The following TCF7L2 variants were observed in gnomAD, a reference collection of about 807,000 sequenced individuals.
TCF7L2 encodes transcription factor 7 like 2, also known as transcription factor 7-like 2.
TCF7L2 carries 23 observed loss-of-function variants against 77.9 expected under a neutral mutation model. The observed-to-expected ratio is 0.30, with a 90% CI of 0.21 to 0.42. TCF7L2 has a LOEUF of 0.42. Ranked by LOEUF, TCF7L2 falls within the 10% of genes least tolerant of loss-of-function variation. The probability of loss-of-function intolerance (pLI) is 1.00; values close to 1 mark genes in which losing one functional copy is unlikely to be tolerated. For missense variants in TCF7L2, 654 were observed against 793.1 expected, an observed-to-expected ratio of 0.82 and a Z score of 2.11; for synonymous variants, 413 against 340.2, an observed-to-expected ratio of 1.21 and a Z score of -2.36.
intron 5 of TCF7L2, among the ~76,000 whole-genome samples, chr10:113,065,779 G>A (rs538133543): frequency 6.6e-6 from 1 of 152,274 alleles, no homozygotes; most frequent in African/African-American, 2.4e-5. Flanking sequence ...CTCATAGGTT[G>A]TAGTTAGGAA....
At chr10:113,158,566 T>C in intron 12 of TCF7L2, 101 bp from the exon 13 acceptor site, 1 of 1,142,400 alleles carries the variant, frequency 8.8e-7, no homozygotes. Flanking sequence ...TTAGAAATAC[T>C]GCATAGGCAA....
At chr10:113,042,364 C>T (rs545801334) in intron 5 of TCF7L2, among the ~76,000 whole-genome samples, 1 of 152,308 alleles carries the variant, frequency 6.6e-6, no homozygotes, top group East Asian at 1.9e-4. Context: ...TGTCTACAAT[C>T]TTTTGGGCTT....
In TCF7L2 at chr10:112,951,483, C is replaced by A; in HGVS notation, c.257C>A (p.Ala86Glu). The A allele has an allele frequency of 4.2e-6, 6 of 1,427,610 alleles. No individual in the cohort carries two copies. Among genetic ancestry groups the A allele is most frequent in the Non-Finnish European group, 5.6e-6 (6 of 1,067,928 alleles). The allele number at this position is 1,427,610 out of a possible 1,614,324, so 88.4% of individuals were successfully genotyped here. The change falls in exon 3 of 14, where the codon GCG becomes GAG. Residue 86 changes from alanine to glutamate, a missense_variant and splice_region_variant. Transcript: ENST00000627217. ...TCCCCTCGCCGCCCCGCCATGTTAG[C>A]GGCCAAGAGGCAAGATGGAGGGCTC...
chr10:113,159,723 A>G lies in TCF7L2; in HGVS notation c.1319-896A>G, dbSNP rs72828146. Among the ~76,000 whole-genome samples, 22,881 of 150,634 alleles carry G rather than the reference A, an allele frequency of 0.15. 2,343 individuals are homozygous for G. Among genetic ancestry groups the G allele is most frequent in the Admixed American group, 0.23 (3,533 of 15,200 alleles). On this transcript the variant is annotated intron_variant, in intron 12 of 13. Transcript: ENST00000627217. ...ATGTGACTTTTACTTTTTTTTTTTT[A>G]ATTAAAGAAAGTTAAAAAACGAAAG...
intron 5 of TCF7L2, among the ~76,000 whole-genome samples, chr10:113,106,984 T>C (rs1456752889): frequency 4.6e-5 from 7 of 152,218 alleles, no homozygotes; most frequent in African/African-American, 1.7e-4. Flanking sequence ...ATGATCAGAA[T>C]GGATGCAAGA....
At chr10:113,137,450 T>C (rs1013903041) in intron 5 of TCF7L2, among the ~76,000 whole-genome samples, 1 of 152,158 alleles carries the variant, frequency 6.6e-6, no homozygotes. Context: ...TCATCCAGAG[T>C]TGACAGAGAC....
At chr10:113,143,112 C>T (rs1419163642) in intron 6 of TCF7L2, among the ~76,000 whole-genome samples, 1 of 152,246 alleles carries the variant, frequency 6.6e-6, no homozygotes, top group Non-Finnish European at 1.5e-5. Context: ...ACATCAATTC[C>T]TCTCTGTCAG....
intron 4 of TCF7L2, among the ~76,000 whole-genome samples, chr10:113,005,749 C>T (rs1244397423): frequency 6.6e-6 from 1 of 151,908 alleles, no homozygotes; most frequent in African/African-American, 2.4e-5. Flanking sequence ...TTGTCCTCAT[C>T]GTTATCCCAA....
At chr10:113,102,662 G>A (rs1171043233) in intron 5 of TCF7L2, among the ~76,000 whole-genome samples, 3 of 152,066 alleles carry the variant, frequency 2.0e-5, no homozygotes, top group African/African-American at 7.2e-5. Context: ...CCGACCTCAG[G>A]TGATCTGTCT....
At chr10:113,114,760 G>T (rs183362690) in intron 5 of TCF7L2, among the ~76,000 whole-genome samples, 1 of 152,262 alleles carries the variant, frequency 6.6e-6, no homozygotes, top group African/African-American at 2.4e-5. Context: ...CGATTTCAAG[G>T]CCTAGACTGA....
chr10:113,065,271 A>G (rs1355793513), intron 5 of TCF7L2, among the ~76,000 whole-genome samples: 1 of 152,264 alleles, frequency 6.6e-6, no homozygotes, highest in African/African-American at 2.4e-5. Flanking sequence ...CCTCCTGTTT[A>G]GAAGTCTGAA....
At chr10:113,027,383 G>A (rs988308188) in intron 4 of TCF7L2, among the ~76,000 whole-genome samples, 3 of 152,176 alleles carry the variant, frequency 2.0e-5, no homozygotes, top group African/African-American at 7.2e-5. Flanking sequence ...GTGTCAGAGA[G>A]GGTGCCTGTC....
At chr10:113,020,291 C>T (rs2048071285) in intron 4 of TCF7L2, among the ~76,000 whole-genome samples, 1 of 152,160 alleles carries the variant, frequency 6.6e-6, no homozygotes, top group Non-Finnish European at 1.5e-5. Context: ...TGGCGGCCTC[C>T]ATGCTGATGG....
intron 5 of TCF7L2, among the ~76,000 whole-genome samples, chr10:113,092,452 G>A (rs1179785295): frequency 6.6e-6 from 1 of 152,226 alleles, no homozygotes; most frequent in Non-Finnish European, 1.5e-5. Flanking sequence ...CAGGCAATTG[G>A]CAAGATTCTT....
chr10:113,152,470 G>A (rs373546534), intron 11 of TCF7L2, 30 bp downstream of exon 11: 1 of 1,567,068 alleles, frequency 6.4e-7, no homozygotes. Flanking sequence ...TAGGATTGGA[G>A]TCTGTAGAGC....
Position 113,158,722 on chromosome 10 carries a change from T to G in TCF7L2, c.1318+653T>G, listed in dbSNP as rs2072474323. ...TTTCACTTCCTCCGATTACAGGTGC[T>G]AATGTCATTTTGAGTCATTAAAATA... On this transcript the variant is annotated intron_variant, in intron 12 of 13. Transcript: ENST00000627217. 1 of 1,613,462 alleles carries G rather than the reference T, an allele frequency of 6.2e-7. No individual in the cohort carries two copies. Among genetic ancestry groups the G allele is most frequent in the African/African-American group, 1.3e-5 (1 of 74,926 alleles).
intron 5 of TCF7L2, among the ~76,000 whole-genome samples, chr10:113,094,485 C>G (rs910314141): frequency 3.3e-5 from 5 of 152,272 alleles, no homozygotes; most frequent in African/African-American, 1.2e-4. Context: ...GAACTCTCTA[C>G]ATTATAACTT....
At chr10:113,054,207 C>T (rs1454078011) in intron 5 of TCF7L2, among the ~76,000 whole-genome samples, 1 of 152,258 alleles carries the variant, frequency 6.6e-6, no homozygotes, top group Non-Finnish European at 1.5e-5. Context: ...GCCTTCTATT[C>T]ATCCTAAATT....
At chr10:113,054,395 T>G (rs2054989297) in intron 5 of TCF7L2, among the ~76,000 whole-genome samples, 1 of 151,958 alleles carries the variant, frequency 6.6e-6, no homozygotes, top group Non-Finnish European at 1.5e-5. Flanking sequence ...AGTATTGGGG[T>G]TTTCCATGAT....
Sources: gnomAD v4.1 joint callset for allele counts (sites outside exome capture counted in the v4.1 genomes callset) on GRCh38, gnomAD v4.1.1 for gene constraint, MANE v1.5 for transcripts, NCBI Gene and HGNC (gene_info 2026-07-23, HGNC 2026-07-21) for gene names.